Variants in STAP1 observed in about 807,000 individuals in gnomAD.
The protein encoded by STAP1 is signal-transducing adaptor protein 1.
A neutral mutation model predicts 37.8 loss-of-function variants in STAP1; 30 were observed. The observed-to-expected ratio is 0.79, with a 90% CI of 0.59 to 1.08. The LOEUF (loss-of-function observed/expected upper bound fraction) is 1.08. STAP1 is among the 50% of genes least tolerant of loss of function. The probability of loss-of-function intolerance (pLI) is 0.00; values close to 1 mark genes in which losing one functional copy is unlikely to be tolerated. For missense variants in STAP1, 357 were observed against 349.4 expected (o/e 1.02, Z -0.17); for synonymous variants, 130 against 116.0 (o/e 1.12, Z -0.78).
chr4:67,602,489 G>C (rs559283571), intron 8 of STAP1, among the ~76,000 whole-genome samples: 1 of 152,230 alleles, frequency 6.6e-6, no homozygotes, highest in South Asian at 2.1e-4. Context: ...TTCTTGGAAA[G>C]GTTTTCCCAG....
chr4:67,593,423 C>A, intron 8 of STAP1, 67 bp downstream of exon 8: 1 of 1,183,162 alleles, frequency 8.5e-7, no homozygotes, highest in South Asian at 1.4e-5. Context: ...CCCCAAAACT[C>A]TGCATATGAT....
intron 4 of STAP1, among the ~76,000 whole-genome samples, chr4:67,580,308 T>C (rs1727822552): frequency 1.3e-5 from 2 of 152,248 alleles, no homozygotes; most frequent in Non-Finnish European, 2.9e-5. Flanking sequence ...GAAATTGTTT[T>C]ACTGGTTATT....
rs116421847 is a variant in STAP1, at chr4:67,571,257, T to C, written c.192+102T>C. 0.029 allele frequency: 21,697 copies of C among 751,764 alleles called. 453 individuals are homozygous for C. The highest frequency in any genetic ancestry group is 0.051 in the Middle Eastern group (204 of 4,030). 46.6% of individuals were successfully genotyped at this position (751,764 alleles called of 1,614,324 possible). A position where few individuals can be genotyped will look rare whatever the true frequency, so the allele number is the denominator to read the frequency against. On this transcript the variant is annotated intron_variant, in intron 2 of 8. Transcript: ENST00000265404. ...TTCTGCCATCCAAGAATAAAGATGC[T>C]CTGGTAAAATTAATTCAAAAAATAA...
intron 8 of STAP1, among the ~76,000 whole-genome samples, chr4:67,605,379 T>C (rs897892243): frequency 2.3e-5 from 1 of 43,140 alleles, no homozygotes; most frequent in South Asian, 9.4e-4. Flanking sequence ...GAAGAAAAAA[T>C]AGACAATACA....
At chr4:67,584,277 G>A (rs1416952721) in intron 6 of STAP1, among the ~76,000 whole-genome samples, 1 of 152,068 alleles carries the variant, frequency 6.6e-6, no homozygotes, top group Non-Finnish European at 1.5e-5. Flanking sequence ...TTGAGCAGCT[G>A]CTATATGCCA....
chr4:67,584,004 G>A (rs909886099), intron 6 of STAP1, among the ~76,000 whole-genome samples: 5 of 151,498 alleles, frequency 3.3e-5, no homozygotes, highest in Non-Finnish European at 7.4e-5. Flanking sequence ...AGGCTGAGGC[G>A]GGGGAATTGC....
chr4:67,575,359 A>G (rs2109860716), intron 2 of STAP1, 26 bp from the exon 3 acceptor site: 2 of 1,469,962 alleles, frequency 1.4e-6, no homozygotes, highest in Non-Finnish European at 9.3e-7. Flanking sequence ...GAAATAATGT[A>G]ATGTGATCTT....
At chr4:67,577,958 T>C (rs1439745126) in intron 4 of STAP1, among the ~76,000 whole-genome samples, 1 of 152,176 alleles carries the variant, frequency 6.6e-6, no homozygotes, top group African/African-American at 2.4e-5. Flanking sequence ...CTCTGATTTC[T>C]TTTTTATTTA....
intron 7 of STAP1, 25 bp downstream of exon 7, chr4:67,590,978 T>A: frequency 2.5e-6 from 4 of 1,587,224 alleles, no homozygotes; most frequent in Non-Finnish European, 1.7e-6. Context: ...TTGTTGTTGT[T>A]GATGAACTTC....
chr4:67,582,934 A>G (rs1237113692), intron 5 of STAP1, among the ~76,000 whole-genome samples: 1 of 152,220 alleles, frequency 6.6e-6, no homozygotes, highest in Non-Finnish European at 1.5e-5. Context: ...AGGCTAAGCT[A>G]TGATGTTCAG....
rs10050076 is a variant in STAP1 at position 67,589,682 on chromosome 4, G to A, written c.660-1202G>A. On this transcript the variant is annotated intron_variant, in intron 6 of 8. Transcript: ENST00000265404. The stretch of plus-strand genomic sequence containing the variant: ...AAGTTTTCATCCTAACATGCTTGCC[G>A]TACAAATCAAGGGAATTCAAGACAA... Among the ~76,000 whole-genome samples, 3 of 152,074 alleles carry A rather than the reference G, an allele frequency of 2.0e-5. No individual in the cohort carries two copies. In the South Asian group the frequency reaches 6.2e-4, roughly 32 times the overall value.
At chr4:67,570,585 C>T (rs1727581401) in intron 1 of STAP1, among the ~76,000 whole-genome samples, 1 of 151,866 alleles carries the variant, frequency 6.6e-6, no homozygotes, top group Non-Finnish European at 1.5e-5. Flanking sequence ...TTGCTTGAGC[C>T]CAGGAGTTCA....
At chr4:67,575,935 A>G (rs1037229998) in intron 3 of STAP1, among the ~76,000 whole-genome samples, 4 of 152,214 alleles carry the variant, frequency 2.6e-5, no homozygotes, top group Non-Finnish European at 5.9e-5. Context: ...AATCGCCTGT[A>G]CTAAGGAGAT....
chr4:67,563,622 G>A (rs1209937880), intron 1 of STAP1, among the ~76,000 whole-genome samples: 1 of 152,150 alleles, frequency 6.6e-6, no homozygotes, highest in African/African-American at 2.4e-5. Flanking sequence ...AGGATCACTT[G>A]AACCCAGGAG....
rs775292557 is a variant in STAP1, at chr4:67,575,519, G to C, written c.306+21G>C. The C allele has an allele frequency of 5.9e-6, 9 of 1,530,132 alleles. No homozygotes were observed. The South Asian group carries it at 1.0e-4, about 18-fold the overall frequency. 94.8% of individuals were successfully genotyped at this position (1,530,132 alleles called of 1,614,324 possible). On this transcript the variant is annotated intron_variant, in intron 3 of 8. Coordinates refer to ENST00000265404, the MANE Select transcript of STAP1 (RefSeq NM_012108.4). ...TGAAGGTGAGCGAGGAGAAACAGTA[G>C]TCTGTAAAGGGTTGTGGTTATAAAT...
chr4:67,570,362 A>G (rs2109857511), intron 1 of STAP1, among the ~76,000 whole-genome samples: 1 of 152,300 alleles, frequency 6.6e-6, no homozygotes, highest in East Asian at 1.9e-4. Context: ...GTGCTACAAC[A>G]TTATTGACAG....
intron 5 of STAP1, 76 bp downstream of exon 5, chr4:67,581,547 C>T (rs890791682): frequency 6.7e-7 from 1 of 1,491,474 alleles, no homozygotes; most frequent in South Asian, 1.4e-5. Flanking sequence ...GAGTTAGTCA[C>T]TTGCTCTTGT....
At chr4:67,588,769 G>A (rs1280579029) in intron 6 of STAP1, among the ~76,000 whole-genome samples, 2 of 152,080 alleles carry the variant, frequency 1.3e-5, no homozygotes, top group Non-Finnish European at 2.9e-5. Context: ...ACCATTTGTG[G>A]GTGCTATGTT....
In STAP1 at chr4:67,583,705, A is replaced by ATGTTTATTTTTT; in HGVS notation, c.659+5_659+16dup. 6.2e-7 allele frequency: 1 copy of ATGTTTATTTTTT among 1,607,182 alleles called. No homozygotes were observed. Among genetic ancestry groups the ATGTTTATTTTTT allele is most frequent in the Non-Finnish European group, 8.5e-7 (1 of 1,178,076 alleles). ...ATCACTATTCGGCAGGAGATAGAGT[A>ATGTTTATTTTTT]TGTTTATTTTTTTTAAATGTATGGA... On this transcript the variant is annotated splice_donor_region_variant and intron_variant, in intron 6 of 8. Coordinates refer to ENST00000265404, the MANE Select transcript of STAP1 (RefSeq NM_012108.4).
Sources: gnomAD v4.1 joint callset for allele counts (sites outside exome capture counted in the v4.1 genomes callset) on GRCh38, gnomAD v4.1.1 for gene constraint, MANE v1.5 for transcripts, NCBI Gene and HGNC (gene_info 2026-07-23, HGNC 2026-07-21) for gene names.